Variants in KCNN2 observed in about 807,000 individuals in gnomAD.
The protein encoded by KCNN2 is potassium calcium-activated channel subfamily N member 2, also known as small conductance calcium-activated potassium channel protein 2.
KCNN2 carries 24 observed loss-of-function variants against 55.5 expected under a neutral mutation model. The observed-to-expected ratio is 0.43, with a 90% confidence interval of 0.31 to 0.61. KCNN2 has a LOEUF of 0.61. Ranked by LOEUF, KCNN2 falls within the 20% of genes least tolerant of loss-of-function variation. The probability of loss-of-function intolerance (pLI) is 0.08; values close to 1 mark genes in which losing one functional copy is unlikely to be tolerated. For missense variants in KCNN2, 754 were observed against 853.6 expected (o/e 0.88, Z 1.45); for synonymous variants, 431 against 336.1 (o/e 1.28, Z -3.09).
chr5:114,154,925 G>A (rs1034751107), intron 1 of KCNN2, among the ~76,000 whole-genome samples: 1 of 151,976 alleles, frequency 6.6e-6, no homozygotes, highest in Non-Finnish European at 1.5e-5. Context: ...AGATGTACAC[G>A]TTTGTTACAT....
At chr5:114,278,527 C>T (rs1478131003) in intron 2 of KCNN2, among the ~76,000 whole-genome samples, 1 of 152,234 alleles carries the variant, frequency 6.6e-6, no homozygotes, top group Non-Finnish European at 1.5e-5. Context: ...TTCCCTGCTG[C>T]TTTGTTTACA....
intron 1 of KCNN2, among the ~76,000 whole-genome samples, chr5:114,197,787 C>A (rs904770990): frequency 4.6e-5 from 7 of 152,124 alleles, no homozygotes; most frequent in Non-Finnish European, 8.8e-5. Flanking sequence ...ACCTTCTTGA[C>A]TGAACATGTT....
intron 1 of KCNN2, among the ~76,000 whole-genome samples, chr5:114,100,522 G>T (rs964802279): frequency 1.3e-5 from 2 of 152,080 alleles, no homozygotes; most frequent in African/African-American, 4.8e-5. Flanking sequence ...CGAATGAAAA[G>T]AAGAGAGGAA....
chr5:114,188,108 C>T (rs1199418172), intron 1 of KCNN2, among the ~76,000 whole-genome samples: 5 of 152,186 alleles, frequency 3.3e-5, no homozygotes, highest in African/African-American at 4.8e-5. Context: ...CCACTGAGCC[C>T]GGCCGTCTCT....
In KCNN2 at chr5:114,362,494, T is replaced by C; in HGVS notation, c.355T>C (p.Ser119Pro). Residue 119 changes from serine (S) to proline (P), a missense_variant, in exon 1 of 8, where the codon TCG becomes CCG. Around this residue, in one of 4 missense-constraint regions of KCNN2, gnomAD observed 381 missense variants for 259.1 expected, o/e 1.47. Transcript: ENST00000673685. ...GSSCCCCCCS[S>P]RRGSQLNVSE... ...GTCCTGCTGCTGCTGCTGCTGCTCG[T>C]CGCGCCGGGGCAGCCAGCTCAATGT... 3 of 461,128 alleles carry C rather than the reference T, an allele frequency of 6.5e-6. No homozygotes were observed. In the South Asian group the frequency reaches 1.2e-4, roughly 19 times the overall value. The allele number at this position is 461,128 out of a possible 1,614,324, so 28.6% of individuals were successfully genotyped here.
At chr5:114,096,419 A>G (rs747439496) in intron 1 of KCNN2, among the ~76,000 whole-genome samples, 2 of 152,178 alleles carry the variant, frequency 1.3e-5, no homozygotes, top group African/African-American at 4.8e-5. Flanking sequence ...GTTCTATTAC[A>G]TAATACAATT....
chr5:114,214,402 A>G (rs1753958517), intron 1 of KCNN2, among the ~76,000 whole-genome samples: 1 of 152,064 alleles, frequency 6.6e-6, no homozygotes, highest in Admixed American at 6.6e-5. Context: ...AAAAGCAGAA[A>G]TAATGAACAC....
At chr5:114,459,606 T>C (rs1006149189) in intron 3 of KCNN2, among the ~76,000 whole-genome samples, 13 of 152,192 alleles carry the variant, frequency 8.5e-5, no homozygotes, top group African/African-American at 3.1e-4. Context: ...TGGTTCCTGA[T>C]TACCTCATCT....
At chr5:114,229,083 T>A (rs950572340) in intron 2 of KCNN2, among the ~76,000 whole-genome samples, 100 of 152,088 alleles carry the variant, frequency 6.6e-4, no homozygotes, top group African/African-American at 2.3e-3. Context: ...AGTAAAGCTA[T>A]AAAATTTATG....
At chr5:114,207,771 G>A (rs1326441800) in intron 1 of KCNN2, among the ~76,000 whole-genome samples, 1 of 152,174 alleles carries the variant, frequency 6.6e-6, no homozygotes, top group Non-Finnish European at 1.5e-5. Context: ...TTTCTTAAAT[G>A]ATATTCATCT....
rs145886379 is a variant in KCNN2 at position 114,117,752 on chromosome 5, A to G, written c.-271+61252A>G. 4.7e-4 allele frequency among the ~76,000 whole-genome samples: 72 copies of G among 152,294 alleles called. No individual in the cohort carries two copies. In the South Asian group the frequency reaches 5.4e-3, roughly 11 times the overall value. On this transcript the variant is annotated intron_variant, in intron 1 of 10. Coordinates refer to the KCNN2 transcript ENST00000512097. ...CAATACAGAACTGGAAATATTAACA[A>G]TGTAAGTAGTCCTTGAGCCCTCATG...
At chr5:114,155,586 G>A (rs148775175) in intron 1 of KCNN2, among the ~76,000 whole-genome samples, 2,725 of 152,256 alleles carry the variant, frequency 0.018, 77 homozygotes, top group African/African-American at 0.061. Context: ...CATTCTGACT[G>A]GTGTGAGACA....
chr5:114,395,776 A>G (rs532130880), intron 2 of KCNN2, among the ~76,000 whole-genome samples: 29 of 152,082 alleles, frequency 1.9e-4, no homozygotes, highest in African/African-American at 7.0e-4. Flanking sequence ...GTCTCCTAGG[A>G]CAGTTCTTTC....
intron 1 of KCNN2, among the ~76,000 whole-genome samples, chr5:114,129,847 T>C (rs1413620883): frequency 1.3e-5 from 2 of 152,236 alleles, no homozygotes; most frequent in Admixed American, 1.3e-4. Flanking sequence ...TTCATTTGAT[T>C]CTTCATAACT....
intron 3 of KCNN2, among the ~76,000 whole-genome samples, chr5:114,445,450 GAAAC>G (rs939042694): frequency 1.1e-4 from 16 of 152,254 alleles, no homozygotes; most frequent in Admixed American, 9.8e-4. Context: ...CACAAGTTAA[GAAAC>G]AAACACTTTA....
At chr5:114,465,547 G>T (rs10040235) in intron 4 of KCNN2, among the ~76,000 whole-genome samples, 52,807 of 151,622 alleles carry the variant, frequency 0.35, 9,472 homozygotes, top group East Asian at 0.58. Flanking sequence ...GGGAGGCGGA[G>T]GTTGCAGTGA....
intron 2 of KCNN2, among the ~76,000 whole-genome samples, chr5:114,305,628 G>C (rs187763812): frequency 1.3e-5 from 2 of 152,264 alleles, no homozygotes; most frequent in Admixed American, 6.5e-5. Context: ...AGGGATTGTG[G>C]GTACTGGGGG....
intron 3 of KCNN2, among the ~76,000 whole-genome samples, chr5:114,458,103 T>C (rs1421517080): frequency 6.6e-6 from 1 of 152,178 alleles, no homozygotes; most frequent in African/African-American, 2.4e-5. Context: ...AAAAAATGCA[T>C]TGCTGTCACT....
At chr5:114,415,468 ATATAG>A (rs1759276790) in intron 3 of KCNN2, among the ~76,000 whole-genome samples, 1 of 152,244 alleles carries the variant, frequency 6.6e-6, no homozygotes, top group Non-Finnish European at 1.5e-5. Context: ...GGATATGGGT[ATATAG>A]CATTGCCAGT....
Sources: gnomAD v4.1 joint callset for allele counts (sites outside exome capture counted in the v4.1 genomes callset) on GRCh38, gnomAD v4.1.1 for gene constraint, gnomAD v4.1.1 regional missense constraint, MANE v1.5 for transcripts, NCBI Gene and HGNC (gene_info 2026-07-23, HGNC 2026-07-21) for gene names.